SLC44A5: variants seen among roughly 807,000 people sequenced by gnomAD.
The protein encoded by SLC44A5 is solute carrier family 44 member 5, also known as choline transporter-like protein 5.
In SLC44A5, 57 loss-of-function variants were observed where a neutral mutation model predicts 101.8. That is an observed-to-expected ratio of 0.56 (90% CI 0.45 to 0.70). The LOEUF (loss-of-function observed/expected upper bound fraction) is 0.70. Ranked by LOEUF, SLC44A5 falls within the 30% of genes least tolerant of loss-of-function variation. The pLI, the probability that SLC44A5 is intolerant of heterozygous loss-of-function variation, is 0.00. For missense variants in SLC44A5, 737 were observed against 853.1 expected (o/e 0.86, Z 1.70); for synonymous variants, 281 against 290.9 (o/e 0.97, Z 0.35).
At chr1:75,490,945 A>C (rs1162962059) in intron 2 of SLC44A5, among the ~76,000 whole-genome samples, 1 of 152,034 alleles carries the variant, frequency 6.6e-6, no homozygotes, top group African/African-American at 2.4e-5. Context: ...AAAAAAAGTG[A>C]TCTAAGTTAT....
At chr1:75,297,977 C>T (rs1474458345) in intron 5 of SLC44A5, among the ~76,000 whole-genome samples, 1 of 152,084 alleles carries the variant, frequency 6.6e-6, no homozygotes, top group African/African-American at 2.4e-5. Context: ...ACAACAACAA[C>T]AACAAAAATG....
the SLC44A5 span, among the ~76,000 whole-genome samples, chr1:75,624,578 G>A: frequency 2.6e-5 from 4 of 152,058 alleles, no homozygotes; most frequent in Non-Finnish European, 4.4e-5. Flanking sequence ...GGCCATTAGA[G>A]AAGAGGAAAT....
Position 75,349,204 on chromosome 1 carries a change from C to G in SLC44A5, c.53-9574G>C, listed in dbSNP as rs148339096. Among the ~76,000 whole-genome samples the G allele has an allele frequency of 7.3e-3, 1,116 of 152,164 alleles. 8 individuals are homozygous for G. Among genetic ancestry groups the G allele is most frequent in the Non-Finnish European group, 0.011 (764 of 68,010 alleles). On this transcript the variant is annotated intron_variant, in intron 3 of 23. Transcript: ENST00000370859. ...ATATATAAAAAATTAGCCAGTGTGGCAGTGCACACCTGTAGTCCCAGCGGC... is the reference window on the plus strand; with the variant it reads ...ATATATAAAAAATTAGCCAGTGTGGGAGTGCACACCTGTAGTCCCAGCGGC...
chr1:75,313,362 A>G (rs1655452835), intron 4 of SLC44A5, among the ~76,000 whole-genome samples: 1 of 152,268 alleles, frequency 6.6e-6, no homozygotes, highest in African/African-American at 2.4e-5. Flanking sequence ...ACAGTTTTCA[A>G]AGTAAACTAT....
At chr1:75,500,868 A>C (rs576864307) in intron 2 of SLC44A5, among the ~76,000 whole-genome samples, 1 of 152,084 alleles carries the variant, frequency 6.6e-6, no homozygotes, top group East Asian at 1.9e-4. Flanking sequence ...TTGAATGCCA[A>C]CTCTCTCATT....
At chr1:75,311,483 G>T in intron 4 of SLC44A5, 2 of 816,034 alleles carry the variant, frequency 2.5e-6, no homozygotes, top group Non-Finnish European at 3.0e-6. Context: ...TGTCCAGAGT[G>T]GTCTCAGTTC....
intron 1 of SLC44A5, among the ~76,000 whole-genome samples, chr1:75,549,867 G>A (rs184007523): frequency 4.4e-4 from 67 of 152,158 alleles, no homozygotes; most frequent in African/African-American, 1.3e-3. Context: ...GTAAAGGCTC[G>A]GGAAATTGGG....
the SLC44A5 span, among the ~76,000 whole-genome samples, chr1:75,635,717 T>G: frequency 2.0e-5 from 3 of 149,804 alleles, no homozygotes; most frequent in African/African-American, 2.5e-5. Context: ...AAATGACGAG[T>G]TAATGGGTGC....
At chr1:75,437,301 C>T (rs1461177631) in intron 2 of SLC44A5, among the ~76,000 whole-genome samples, 1 of 152,090 alleles carries the variant, frequency 6.6e-6, no homozygotes, top group African/African-American at 2.4e-5. Context: ...TACAATATTA[C>T]AATGGCTATG....
At chr1:75,236,094 A>G (rs143445626) in intron 11 of SLC44A5, among the ~76,000 whole-genome samples, 21 of 152,188 alleles carry the variant, frequency 1.4e-4, no homozygotes, top group Non-Finnish European at 2.5e-4. Flanking sequence ...AGGACTCAGT[A>G]CCAGGAAAGG....
chr1:75,580,081 T>C (rs74091761), intron 1 of SLC44A5, among the ~76,000 whole-genome samples: 23,334 of 151,948 alleles, frequency 0.15, 2,040 homozygotes, highest in Admixed American at 0.23. Context: ...AATCTATTGA[T>C]AAAATATTAA....
At chr1:75,617,722 G>A in the SLC44A5 span, among the ~76,000 whole-genome samples, 1 of 152,038 alleles carries the variant, frequency 6.6e-6, no homozygotes, top group Non-Finnish European at 1.5e-5. Flanking sequence ...TCAGAAATAA[G>A]ACTGACTCAA....
chr1:75,555,083 T>C (rs1048605601), intron 1 of SLC44A5, among the ~76,000 whole-genome samples: 26 of 152,154 alleles, frequency 1.7e-4, no homozygotes, highest in African/African-American at 6.3e-4. Context: ...TAAATGTAAA[T>C]GGACTAGACA....
chr1:75,481,710 A>T (rs1453811366), intron 2 of SLC44A5, among the ~76,000 whole-genome samples: 5 of 152,196 alleles, frequency 3.3e-5, no homozygotes, highest in African/African-American at 1.2e-4. Flanking sequence ...GTGAGATACC[A>T]TCTCACATCA....
At chr1:75,309,147 A>G (rs1464201317) in intron 4 of SLC44A5, among the ~76,000 whole-genome samples, 1 of 152,252 alleles carries the variant, frequency 6.6e-6, no homozygotes, top group Non-Finnish European at 1.5e-5. Flanking sequence ...ATTTAATTAT[A>G]TGAAAAAATG....
At chr1:75,464,263 T>C (rs1056852136) in intron 2 of SLC44A5, among the ~76,000 whole-genome samples, 1 of 136,168 alleles carries the variant, frequency 7.3e-6, no homozygotes, top group African/African-American at 2.7e-5. Context: ...AAGAAAAAGG[T>C]AAAAAGCAGG....
chr1:75,630,471 T>C, the SLC44A5 span, among the ~76,000 whole-genome samples: 1 of 152,210 alleles, frequency 6.6e-6, no homozygotes, highest in Non-Finnish European at 1.5e-5. Flanking sequence ...CTTTAGAATA[T>C]TCACTGGTAA....
At chr1:75,708,720 CATATA>C in the SLC44A5 span, among the ~76,000 whole-genome samples, 1 of 152,006 alleles carries the variant, frequency 6.6e-6, no homozygotes. Flanking sequence ...TAAAATTATA[CATATA>C]ATAAAACTCA....
the SLC44A5 span, among the ~76,000 whole-genome samples, chr1:75,681,739 T>C: frequency 6.7e-6 from 1 of 149,578 alleles, no homozygotes; most frequent in South Asian, 2.2e-4. Flanking sequence ...TTCAACATAG[T>C]GTTGGAAGTT....
Sources: allele counts gnomAD v4.1 joint callset (sites outside exome capture counted in the v4.1 genomes callset), GRCh38; gene constraint gnomAD v4.1.1; transcripts MANE v1.5; gene names NCBI Gene and HGNC (gene_info 2026-07-23, HGNC 2026-07-21).